Variants in MEF2B observed in about 807,000 individuals in gnomAD.
MEF2B encodes myocyte-specific enhancer factor 2B.
In MEF2B, 15 loss-of-function variants were observed where a neutral mutation model predicts 32.2. The ratio of observed to expected loss-of-function variants is 0.47; its 90% CI spans 0.31 to 0.72. MEF2B has a LOEUF of 0.72. Ranked by LOEUF, MEF2B falls within the 30% of genes least tolerant of loss-of-function variation. The probability of loss-of-function intolerance (pLI) is 0.05; values close to 1 mark genes in which losing one functional copy is unlikely to be tolerated. For synonymous variants in MEF2B, 205 were observed against 225.6 expected (o/e 0.91, Z 0.82); for missense variants, 441 against 511.5 (o/e 0.86, Z 1.33).
At chr19:19,167,086 C>T (rs1054213065) in intron 1 of MEF2B, among the ~76,000 whole-genome samples, 13 of 151,794 alleles carry the variant, frequency 8.6e-5, no homozygotes, top group African/African-American at 3.1e-4. Flanking sequence ...CACAGTGGCT[C>T]ACGCCTGTAA....
chr19:19,152,769 C>A (rs2060093648), intron 1 of MEF2B, among the ~76,000 whole-genome samples: 1 of 152,208 alleles, frequency 6.6e-6, no homozygotes. Context: ...GACCCCTGCC[C>A]AAGCGGTCTG....
intron 1 of MEF2B, among the ~76,000 whole-genome samples, chr19:19,152,380 C>CAA (rs749560348): frequency 2.6e-5 from 3 of 113,368 alleles, no homozygotes; most frequent in Non-Finnish European, 3.6e-5. Flanking sequence ...GACTCTGTCT[C>CAA]AAAAAAAAAA....
chr19:19,161,592 A>C (rs1322414360), intron 1 of MEF2B, among the ~76,000 whole-genome samples: 1 of 151,754 alleles, frequency 6.6e-6, no homozygotes, highest in Admixed American at 6.6e-5. Flanking sequence ...CCAATCCCCC[A>C]AATGCACAGA....
At chr19:19,165,588 G>A (rs1412471330) in intron 1 of MEF2B, among the ~76,000 whole-genome samples, 2 of 152,154 alleles carry the variant, frequency 1.3e-5, no homozygotes, top group Non-Finnish European at 2.9e-5. Flanking sequence ...GCCAGAGACA[G>A]AGAAGGTCAG....
intron 1 of MEF2B, among the ~76,000 whole-genome samples, chr19:19,161,596 GCA>G (rs1179351700): frequency 1.3e-5 from 2 of 151,428 alleles, no homozygotes; most frequent in African/African-American, 4.9e-5. Context: ...TCCCCCAAAT[GCA>G]CAGACACATA....
chr19:19,146,421 C>T, intron 7 of MEF2B, 37 bp from the exon 8 acceptor site: 1 of 1,118,760 alleles, frequency 8.9e-7, no homozygotes, highest in Non-Finnish European at 1.2e-6. Context: ...GCCTGGACAT[C>T]TCCTTAAGCC....
At chr19:19,147,639 C>T (rs1353044111) in intron 4 of MEF2B, 59 bp downstream of exon 4, 26 of 1,587,200 alleles carry the variant, frequency 1.6e-5, no homozygotes, top group Admixed American at 8.6e-5. Context: ...CCAGCCTCAA[C>T]GACTTGGGCC....
In MEF2B at chr19:19,147,078, G is replaced by A. The variant is rs146438931; in HGVS notation, c.499C>T (p.Pro167Ser). The change falls in exon 5 of 9, where the codon CCA becomes TCA. Residue 167 changes from proline (P) to serine (S), a missense_variant. Pro to Ser is a moderately conservative substitution (Grantham distance 74). Coordinates refer to ENST00000424583, the MANE Select transcript of MEF2B (RefSeq NM_001145785.2). ...GGGGCTGCTGGTCGGAAGGGAGATG[G>A]GCGGCTCTGGGCGGGCAGTGCTTCC... Reference protein sequence around the residue: ...LGEALPAQSRPSPFRPAAPKA... With the variant: ...LGEALPAQSRSSPFRPAAPKA... 2 of 1,609,254 alleles carry A rather than the reference G, an allele frequency of 1.2e-6. No homozygotes were observed. The highest frequency in any genetic ancestry group is 2.2e-5 in the East Asian group (1 of 44,826).
intron 1 of MEF2B, among the ~76,000 whole-genome samples, chr19:19,168,662 T>C (rs1482763126): frequency 6.6e-6 from 1 of 152,026 alleles, no homozygotes; most frequent in East Asian, 1.9e-4. Context: ...AGCTCAGTCA[T>C]AGCTCACTGC....
chr19:19,166,672 T>C (rs141909439), intron 1 of MEF2B, among the ~76,000 whole-genome samples: 1 of 150,290 alleles, frequency 6.7e-6, no homozygotes, highest in East Asian at 2.0e-4. Flanking sequence ...GGTGACAGGA[T>C]GGCTTGAGCC....
At chr19:19,159,023 C>T (rs1236263426) in intron 1 of MEF2B, among the ~76,000 whole-genome samples, 1 of 151,326 alleles carries the variant, frequency 6.6e-6, no homozygotes, top group Non-Finnish European at 1.5e-5. Context: ...TCACTGCAAC[C>T]TCCTCCTCCC....
chr19:19,148,022 G>A (rs2146353870), intron 3 of MEF2B, among the ~76,000 whole-genome samples, 190 bp from the exon 4 acceptor site: 1 of 152,334 alleles, frequency 6.6e-6, no homozygotes, highest in East Asian at 1.9e-4. Context: ...TCCTCCCCTG[G>A]GACCGAAAAG....
intron 1 of MEF2B, among the ~76,000 whole-genome samples, chr19:19,153,130 G>A (rs76068417): frequency 0.02 from 3,005 of 152,294 alleles, 93 homozygotes; most frequent in African/African-American, 0.068. Flanking sequence ...AGGGTCCCAC[G>A]AGAGCAGCAG....
intron 2 of MEF2B, 114 bp downstream of exon 2, chr19:19,150,568 T>C (rs1432422737): frequency 3.8e-6 from 4 of 1,047,974 alleles, no homozygotes; most frequent in Non-Finnish European, 5.5e-6. Context: ...GCATCAGGAC[T>C]CCTCATGCCT....
Position 19,146,808 on chromosome 19 carries a change from C to A in MEF2B, c.609G>T (p.Pro203=), listed in dbSNP as rs754747196. 5 of 1,613,976 alleles carry A rather than the reference C, an allele frequency of 3.1e-6. No individual in the cohort carries two copies. Among genetic ancestry groups the A allele is most frequent in the Non-Finnish European group, 4.2e-6 (5 of 1,179,942 alleles). The stretch of plus-strand genomic sequence containing the variant: ...GCAGGTCTGACCTCCGCCCTTCCGT[C>A]GGCAGGTACAGTGGGGGTGGTGTCT... ...TSKTPPPLYL[P]TEGRRSDLPG... is the part of the protein sequence containing the mutation. Residue 203 remains proline, a synonymous_variant, in exon 6 of 9, where the codon CCG becomes CCT. Transcript: ENST00000424583.
rs754747196 is a variant in MEF2B at position 19,146,808 on chromosome 19, C to T, written c.609G>A (p.Pro203=). 9.9e-6 allele frequency: 16 copies of T among 1,613,858 alleles called. No individual in the cohort carries two copies. The highest frequency in any genetic ancestry group is 4.0e-5 in the African/African-American group (3 of 74,912). The part of the protein sequence containing the change: ...TSKTPPPLYL[P]TEGRRSDLPG... The stretch of plus-strand genomic sequence containing the variant: ...GCAGGTCTGACCTCCGCCCTTCCGT[C>T]GGCAGGTACAGTGGGGGTGGTGTCT... Residue 203 remains proline, a synonymous_variant, in exon 6 of 9, where the codon CCG becomes CCA. Coordinates refer to ENST00000424583, the MANE Select transcript of MEF2B (RefSeq NM_001145785.2).
chr19:19,150,595 T>C, intron 2 of MEF2B, 87 bp downstream of exon 2: 1 of 1,570,246 alleles, frequency 6.4e-7, no homozygotes, highest in Non-Finnish European at 8.7e-7. Flanking sequence ...TCCCCTGCAG[T>C]TCAATTGGTC....
chr19:19,153,955 G>A (rs940804263), intron 1 of MEF2B, among the ~76,000 whole-genome samples: 5 of 151,884 alleles, frequency 3.3e-5, no homozygotes, highest in African/African-American at 1.2e-4. Context: ...GTCTCACTAT[G>A]TTGTCTAGGT....
chr19:19,145,693 G>A lies in MEF2B; in HGVS notation c.*104C>T. 1.9e-6 allele frequency: 3 copies of A among 1,551,586 alleles called. No individual in the cohort carries two copies. The highest frequency in any genetic ancestry group is 1.2e-5 in the South Asian group (1 of 84,234). The stretch of plus-strand genomic sequence containing the variant: ...CCAAGCCCCCACCGCGGAGGGGGGC[G>A]TCACTGTTGGGTCTTCTCTGAAGAG... On this transcript the variant is annotated 3_prime_UTR_variant, in exon 9 of 9. Transcript: ENST00000424583. The surrounding 1 kb of genome is among the most constrained non-coding windows in gnomAD (Gnocchi z 4.6).
Sources: gnomAD v4.1 joint callset for allele counts (sites outside exome capture counted in the v4.1 genomes callset) on GRCh38, gnomAD v4.1.1 for gene constraint, Gnocchi (gnomAD v3.1) non-coding constraint, MANE v1.5 for transcripts, NCBI Gene and HGNC (gene_info 2026-07-23, HGNC 2026-07-21) for gene names.